Variants in THSD7B observed in about 807,000 individuals in gnomAD.
THSD7B encodes the protein thrombospondin type 1 domain containing 7B, also known as thrombospondin type-1 domain-containing protein 7B.
In THSD7B, 138 loss-of-function variants were observed where a neutral mutation model predicts 213.6. The ratio of observed to expected loss-of-function variants is 0.65; its 90% CI spans 0.56 to 0.74. The LOEUF (loss-of-function observed/expected upper bound fraction) is 0.74. Ranked by LOEUF, THSD7B falls within the 30% of genes least tolerant of loss-of-function variation. The pLI, the probability that THSD7B is intolerant of heterozygous loss-of-function variation, is 0.00. For synonymous variants in THSD7B, 742 were observed against 687.0 expected, an observed-to-expected ratio of 1.08 and a Z score of -1.25; for missense variants, 1,931 against 1,991.5, an observed-to-expected ratio of 0.97 and a Z score of 0.58.
chr2:137,403,315 TCAGA>T (rs1330544320), intron 12 of THSD7B, among the ~76,000 whole-genome samples: 1 of 152,182 alleles, frequency 6.6e-6, no homozygotes, highest in African/African-American at 2.4e-5. Flanking sequence ...TTTATGGTGT[TCAGA>T]CAGACATATT....
chr2:137,210,769 C>A (rs533284693), intron 7 of THSD7B, among the ~76,000 whole-genome samples: 404 of 150,620 alleles, frequency 2.7e-3, no homozygotes, highest in Non-Finnish European at 4.9e-3. Context: ...CTTTTATGTT[C>A]ACTTTTGTAT....
chr2:137,149,460 C>G (rs963335849), intron 5 of THSD7B, among the ~76,000 whole-genome samples: 1 of 152,274 alleles, frequency 6.6e-6, no homozygotes, highest in South Asian at 2.1e-4. Flanking sequence ...AGCTTTTGCA[C>G]TACTTGGGAC....
At chr2:136,959,085 T>G (rs1685176383) in intron 2 of THSD7B, among the ~76,000 whole-genome samples, 1 of 152,156 alleles carries the variant, frequency 6.6e-6, no homozygotes, top group Non-Finnish European at 1.5e-5. Flanking sequence ...TGGTTACAAG[T>G]GTATCGCAGA....
chr2:136,937,989 A>T (rs186354573), intron 2 of THSD7B, among the ~76,000 whole-genome samples: 1 of 152,214 alleles, frequency 6.6e-6, no homozygotes, highest in Non-Finnish European at 1.5e-5. Context: ...CTATTTTTGT[A>T]CAGGTTCACT....
intron 7 of THSD7B, among the ~76,000 whole-genome samples, chr2:137,178,498 T>A (rs1208952264): frequency 2.0e-5 from 3 of 152,222 alleles, no homozygotes; most frequent in Non-Finnish European, 2.9e-5. Flanking sequence ...GCTACAGGAA[T>A]CAGACTGCAA....
Position 137,676,425 on chromosome 2 carries a change from A to AT in THSD7B, c.4740-95dup, listed in dbSNP as rs918693350. On this transcript the variant is annotated intron_variant, in intron 27 of 27. Transcript: ENST00000409968. Reference sequence around the variant, plus strand: ...ATCTAGAGAAATGAATCTTTTTGTCATTTTACCGCTTAAATTTCTGTATCT... The same window carrying AT: ...ATCTAGAGAAATGAATCTTTTTGTCATTTTTACCGCTTAAATTTCTGTATCT... 19 of 1,117,152 alleles carry AT rather than the reference A, an allele frequency of 1.7e-5. No homozygotes were observed. In the African/African-American group the frequency reaches 2.1e-4, roughly 12 times the overall value. 69.2% of individuals were successfully genotyped at this position (1,117,152 alleles called of 1,614,324 possible). A position where few individuals can be genotyped will look rare whatever the true frequency, so the allele number is the denominator to read the frequency against.
At chr2:137,310,502 A>G (rs1316140932) in intron 12 of THSD7B, among the ~76,000 whole-genome samples, 1 of 150,144 alleles carries the variant, frequency 6.7e-6, no homozygotes. Flanking sequence ...GAAGCTCTTT[A>G]GTTTAATGAG....
chr2:137,630,530 G>A (rs1240728432), intron 20 of THSD7B, among the ~76,000 whole-genome samples: 3 of 152,162 alleles, frequency 2.0e-5, no homozygotes, highest in African/African-American at 7.2e-5. Context: ...ATTAAAATAA[G>A]ATAATTCTGT....
chr2:137,164,653 G>A (rs1283450309), intron 6 of THSD7B, among the ~76,000 whole-genome samples: 1 of 152,144 alleles, frequency 6.6e-6, no homozygotes, highest in African/African-American at 2.4e-5. Context: ...ATGATAGACT[G>A]GATTAAGAAA....
intron 15 of THSD7B, among the ~76,000 whole-genome samples, chr2:137,498,746 A>G (rs1679632612): frequency 6.6e-6 from 1 of 152,172 alleles, no homozygotes; most frequent in Admixed American, 6.6e-5. Flanking sequence ...TGGACTAATT[A>G]TAAGAGGGGA....
chr2:137,525,964 T>C (rs750157478), intron 15 of THSD7B, among the ~76,000 whole-genome samples: 2 of 152,098 alleles, frequency 1.3e-5, no homozygotes, highest in Non-Finnish European at 2.9e-5. Flanking sequence ...TGGAAGTGTC[T>C]CTTCTCTTGT....
rs537756726 is a variant in THSD7B, at chr2:137,337,444, T to A, written c.2500+61418T>A. Among the ~76,000 whole-genome samples the A allele has an allele frequency of 8.5e-5, 13 of 152,256 alleles. No homozygotes were observed. The East Asian group carries it at 2.5e-3, about 29-fold the overall frequency. ...CTTTCTTGGCAATAATAGCATCGAA[T>A]CAGAAGTTACATGATATCAACATGT... On this transcript the variant is annotated intron_variant, in intron 12 of 27. Transcript: ENST00000409968.
intron 5 of THSD7B, among the ~76,000 whole-genome samples, chr2:137,143,598 T>TTACAAAAG (rs1162760280): frequency 1.3e-5 from 2 of 152,142 alleles, no homozygotes; most frequent in Non-Finnish European, 2.9e-5. Context: ...TGCTAAGAGG[T>TTACAAAAG]TACAAAAGGT....
At chr2:137,675,385 C>CAAGT (rs1003497562) in intron 27 of THSD7B, among the ~76,000 whole-genome samples, 3 of 137,394 alleles carry the variant, frequency 2.2e-5, no homozygotes, top group African/African-American at 5.6e-5. Flanking sequence ...TCATTTCTAC[C>CAAGT]AAGTGCTAAA....
At chr2:136,831,399 G>C (rs1682753220) in intron 1 of THSD7B, among the ~76,000 whole-genome samples, 1 of 152,126 alleles carries the variant, frequency 6.6e-6, no homozygotes, top group Non-Finnish European at 1.5e-5. Flanking sequence ...AAATGATCAG[G>C]CAAAGCCCAT....
intron 2 of THSD7B, among the ~76,000 whole-genome samples, chr2:137,041,624 T>C (rs917479044): frequency 2.0e-5 from 3 of 149,434 alleles, no homozygotes; most frequent in African/African-American, 7.3e-5. Flanking sequence ...ATATGTAATA[T>C]ATTATGCAAT....
chr2:136,855,790 A>T (rs1018910105), intron 1 of THSD7B, among the ~76,000 whole-genome samples: 10 of 151,718 alleles, frequency 6.6e-5, no homozygotes, highest in African/African-American at 2.2e-4. Flanking sequence ...TTCTTCTCTT[A>T]TCACTCCCTC....
intron 15 of THSD7B, among the ~76,000 whole-genome samples, chr2:137,562,355 A>AAAG (rs1681136755): frequency 2.0e-5 from 3 of 152,102 alleles, no homozygotes; most frequent in Non-Finnish European, 4.4e-5. Context: ...TCTTACCTAG[A>AAAG]AAGAGCACTG....
intron 1 of THSD7B, among the ~76,000 whole-genome samples, chr2:136,789,710 T>C (rs1014662550): frequency 3.3e-5 from 5 of 152,110 alleles, no homozygotes; most frequent in Non-Finnish European, 5.9e-5. Flanking sequence ...GGGAGTACTC[T>C]AGAGGAGAGA....
Sources: gnomAD v4.1 joint callset for allele counts (sites outside exome capture counted in the v4.1 genomes callset) on GRCh38, gnomAD v4.1.1 for gene constraint, MANE v1.5 for transcripts, NCBI Gene and HGNC (gene_info 2026-07-23, HGNC 2026-07-21) for gene names.